Variants in PHACTR1 observed in about 807,000 individuals in gnomAD.
PHACTR1 encodes phosphatase and actin regulator 1.
In PHACTR1, 16 loss-of-function variants were observed where a neutral mutation model predicts 69.2. The observed-to-expected ratio is 0.23, with a 90% CI of 0.16 to 0.35. The LOEUF (loss-of-function observed/expected upper bound fraction) is 0.35, where lower values mean the gene tolerates loss of function less well. Among genes scored for constraint, PHACTR1 ranks in the 10% least tolerant of loss-of-function variants. The pLI is 1.00. For synonymous variants in PHACTR1, 312 were observed against 284.5 expected (o/e 1.10, Z -0.97); for missense variants, 510 against 734.7 (o/e 0.69, Z 3.54).
intron 7 of PHACTR1, among the ~76,000 whole-genome samples, chr6:13,191,287 T>A (rs563829243): frequency 9.8e-5 from 15 of 152,310 alleles, no homozygotes; most frequent in East Asian, 3.9e-4. Context: ...TGGTAACTGA[T>A]AATTTGAAGG....
chr6:12,965,241 A>T (rs1302387178), intron 4 of PHACTR1, among the ~76,000 whole-genome samples: 1 of 152,080 alleles, frequency 6.6e-6, no homozygotes. Flanking sequence ...GTCAATCCTC[A>T]TTTTTCTTGG....
chr6:12,786,692 G>A (rs1345470694), intron 4 of PHACTR1, among the ~76,000 whole-genome samples: 1 of 152,198 alleles, frequency 6.6e-6, no homozygotes, highest in East Asian at 1.9e-4. Flanking sequence ...GCGTACAAGA[G>A]CAAAGCTCTT....
intron 5 of PHACTR1, among the ~76,000 whole-genome samples, chr6:13,081,737 G>A (rs988788322): frequency 3.3e-5 from 5 of 152,158 alleles, no homozygotes; most frequent in African/African-American, 1.2e-4. Context: ...TGAAGCAGGA[G>A]GATCACTTCA....
rs568333129 is a variant in PHACTR1 at position 12,922,752 on chromosome 6, C to A, written c.251-130613C>A. 2.6e-5 allele frequency among the ~76,000 whole-genome samples: 4 copies of A among 152,242 alleles called. No individual in the cohort carries two copies. In the South Asian group the frequency reaches 8.3e-4, roughly 32 times the overall value. On this transcript the variant is annotated intron_variant, in intron 4 of 14. Coordinates refer to ENST00000332995, the MANE Select transcript of PHACTR1 (RefSeq NM_030948.6). ...CTTCTAAGTAGATCTGAAGGACTTA[C>A]TAGTTGCTTACTAATTCACTAATTC...
At position 13,245,616 on chromosome 6, in the gene PHACTR1, C is replaced by T. The variant is rs530271557; in HGVS notation, c.1391+15423C>T. Among the ~76,000 whole-genome samples the T allele has an allele frequency of 6.6e-6, 1 of 152,262 alleles. No individual in the cohort carries two copies. The highest frequency in any genetic ancestry group is 2.1e-4 in the South Asian group (1 of 4,816). ...TCCCATTCTGTAGCTTGTCTGTTTACTCTGTTGACAGTTTCTTTTGCTGTA... is the reference window on the plus strand; with the variant it reads ...TCCCATTCTGTAGCTTGTCTGTTTATTCTGTTGACAGTTTCTTTTGCTGTA... On this transcript the variant is annotated intron_variant, in intron 10 of 14. Coordinates refer to ENST00000332995, the MANE Select transcript of PHACTR1 (RefSeq NM_030948.6). This position sits in a 1 kb window ranked among gnomAD's most constrained non-coding sequence, Gnocchi z 4.1.
intron 4 of PHACTR1, among the ~76,000 whole-genome samples, chr6:13,005,933 C>T (rs573294686): frequency 3.3e-5 from 5 of 152,114 alleles, no homozygotes; most frequent in East Asian, 1.9e-4. Context: ...CTCTCTATTT[C>T]TCACCAATGT....
intron 4 of PHACTR1, among the ~76,000 whole-genome samples, chr6:12,805,350 CT>C (rs961966011): frequency 3.1e-4 from 47 of 152,094 alleles, no homozygotes; most frequent in African/African-American, 1.1e-3. Flanking sequence ...TGTCAGTCCC[CT>C]ATCTCACTTT....
intron 4 of PHACTR1, among the ~76,000 whole-genome samples, chr6:13,041,491 A>G (rs1207055470): frequency 6.6e-6 from 1 of 152,094 alleles, no homozygotes; most frequent in East Asian, 1.9e-4. Flanking sequence ...GCACTGAAAA[A>G]CTCACCTGGG....
At chr6:13,171,047 G>A (rs10456623) in intron 6 of PHACTR1, among the ~76,000 whole-genome samples, 18,731 of 152,234 alleles carry the variant, frequency 0.12, 1,444 homozygotes, top group East Asian at 0.23. Context: ...TGGGAAGTTA[G>A]GTCATCACCT....
At chr6:12,772,656 G>A (rs182702363) in intron 4 of PHACTR1, among the ~76,000 whole-genome samples, 62 of 152,240 alleles carry the variant, frequency 4.1e-4, no homozygotes, top group Non-Finnish European at 1.5e-4. Context: ...TGAGATAAAT[G>A]GTACTTGGGC....
intron 4 of PHACTR1, among the ~76,000 whole-genome samples, chr6:12,774,238 A>G (rs1288974972): frequency 1.3e-5 from 2 of 152,156 alleles, no homozygotes; most frequent in Non-Finnish European, 2.9e-5. Flanking sequence ...TGTTTGCTTA[A>G]CACTCTACAA....
intron 4 of PHACTR1, among the ~76,000 whole-genome samples, chr6:12,784,535 G>T (rs1315113259): frequency 4.0e-5 from 6 of 150,654 alleles, no homozygotes; most frequent in South Asian, 4.2e-4. Context: ...TACATGATAT[G>T]TACATATACA....
chr6:12,888,988 T>G (rs890424300), intron 4 of PHACTR1, among the ~76,000 whole-genome samples: 1 of 152,154 alleles, frequency 6.6e-6, no homozygotes, highest in African/African-American at 2.4e-5. Context: ...GTCAATGGGG[T>G]AAGGCCAGGC....
chr6:12,821,096 T>G (rs908726342), intron 4 of PHACTR1, among the ~76,000 whole-genome samples: 5 of 152,222 alleles, frequency 3.3e-5, no homozygotes, highest in African/African-American at 1.2e-4. Context: ...AAAATCTTTC[T>G]GAGACCTACC....
At chr6:13,262,622 C>T (rs545754705) in intron 10 of PHACTR1, among the ~76,000 whole-genome samples, 1 of 152,120 alleles carries the variant, frequency 6.6e-6, no homozygotes, top group African/African-American at 2.4e-5. Context: ...TGCCCCAATC[C>T]TCATGGAACT....
At chr6:12,762,952 G>A (rs769015415) in intron 4 of PHACTR1, among the ~76,000 whole-genome samples, 4 of 152,176 alleles carry the variant, frequency 2.6e-5, no homozygotes, top group Non-Finnish European at 5.9e-5. Context: ...GATGACTCAC[G>A]CCTGGAATCC....
intron 5 of PHACTR1, among the ~76,000 whole-genome samples, chr6:13,130,435 T>C (rs577575480): frequency 6.6e-6 from 1 of 151,728 alleles, no homozygotes; most frequent in East Asian, 1.9e-4. Context: ...CAAGAAAAGA[T>C]CCAAGATCCA....
At chr6:13,105,942 A>G (rs1816056463) in intron 5 of PHACTR1, among the ~76,000 whole-genome samples, 1 of 152,208 alleles carries the variant, frequency 6.6e-6, no homozygotes, top group Admixed American at 6.5e-5. Flanking sequence ...AATGGTTTAC[A>G]GAAATAACAT....
intron 5 of PHACTR1, among the ~76,000 whole-genome samples, chr6:13,093,421 G>A (rs1030738924): frequency 3.3e-5 from 5 of 152,100 alleles, no homozygotes; most frequent in African/African-American, 7.2e-5. Flanking sequence ...AGATCATTCC[G>A]ATTATTAGAA....
Sources: allele counts gnomAD v4.1 joint callset (sites outside exome capture counted in the v4.1 genomes callset), GRCh38; gene constraint gnomAD v4.1.1; non-coding constraint Gnocchi (gnomAD v3.1); transcripts MANE v1.5; gene names NCBI Gene and HGNC (gene_info 2026-07-23, HGNC 2026-07-21).